NRG1: variants seen among roughly 807,000 people sequenced by gnomAD.
The protein encoded by NRG1 is pro-neuregulin-1, membrane-bound isoform.
NRG1 carries 18 observed loss-of-function variants against 63.8 expected under a neutral mutation model. That is an observed-to-expected ratio of 0.28 (90% CI 0.19 to 0.42). The LOEUF (loss-of-function observed/expected upper bound fraction) is 0.42, where lower values mean the gene tolerates loss of function less well. NRG1 is among the 10% of genes least tolerant of loss of function. The pLI, the probability that NRG1 is intolerant of heterozygous loss-of-function variation, is 1.00. For synonymous variants in NRG1, 302 were observed against 301.3 expected (o/e 1.00, Z -0.02); for missense variants, 762 against 814.7 (o/e 0.94, Z 0.79).
chr8:32,238,286 GA>G (rs1176836297), intron 1 of NRG1, among the ~76,000 whole-genome samples: 1 of 151,980 alleles, frequency 6.6e-6, no homozygotes, highest in Non-Finnish European at 1.5e-5. Context: ...CCAAAATGGT[GA>G]AACCCTGTCT....
At chr8:31,999,938 A>C (rs1812654678) in intron 1 of NRG1, among the ~76,000 whole-genome samples, 1 of 151,930 alleles carries the variant, frequency 6.6e-6, no homozygotes, top group African/African-American at 2.4e-5. Context: ...CCTGCAATTG[A>C]ACTACATGTA....
intron 1 of NRG1, among the ~76,000 whole-genome samples, chr8:32,427,152 C>T (rs946773140): frequency 2.6e-5 from 4 of 152,020 alleles, no homozygotes; most frequent in Non-Finnish European, 4.4e-5. Context: ...GTTGTCCTTC[C>T]ACATCTGGGC....
rs531098806 is a variant in NRG1, at chr8:32,209,546, G to A, written c.38-386282G>A. Among the ~76,000 whole-genome samples, 28 of 151,992 alleles carry A rather than the reference G, an allele frequency of 1.8e-4. 2 individuals are homozygous for A. In the South Asian group the frequency reaches 5.8e-3, roughly 32 times the overall value. ...CATAGCATAGTATATCATGTAGCAG[G>A]GTTTAAAATAAGCATAGAAGAGGGT... On this transcript the variant is annotated intron_variant, in intron 1 of 10. Coordinates refer to the NRG1 transcript ENST00000519301.
At chr8:32,351,268 G>C (rs1383480719) in intron 1 of NRG1, among the ~76,000 whole-genome samples, 2 of 152,112 alleles carry the variant, frequency 1.3e-5, no homozygotes, top group African/African-American at 4.8e-5. Context: ...TGCTTCCCCA[G>C]AAAGTCTTAG....
chr8:32,073,410 A>T (rs559385162), intron 1 of NRG1, among the ~76,000 whole-genome samples: 1 of 152,184 alleles, frequency 6.6e-6, no homozygotes, highest in Non-Finnish European at 1.5e-5. Context: ...TAAAAATGGA[A>T]AAGTCCTGGC....
chr8:32,537,788 C>T (rs1339649881), intron 1 of NRG1, among the ~76,000 whole-genome samples: 1 of 152,170 alleles, frequency 6.6e-6, no homozygotes, highest in Admixed American at 6.5e-5. Flanking sequence ...GTTCAAAGCT[C>T]GGTCAGATAC....
At chr8:32,371,727 G>C (rs1563373888) in intron 1 of NRG1, among the ~76,000 whole-genome samples, 1 of 152,156 alleles carries the variant, frequency 6.6e-6, no homozygotes. Context: ...ATCTGGCCAT[G>C]CTGAAATCAT....
At chr8:31,947,824 T>C (rs1233538288) in intron 1 of NRG1, among the ~76,000 whole-genome samples, 3 of 151,738 alleles carry the variant, frequency 2.0e-5, no homozygotes, top group Non-Finnish European at 4.4e-5. Flanking sequence ...TGCATTCCTG[T>C]AGTCCCAGCT....
In NRG1 at chr8:31,808,156, ATTC is replaced by A. The variant is rs1359047217; in HGVS notation, c.37+168728_37+168730del. On this transcript the variant is annotated intron_variant, in intron 1 of 10. Transcript: ENST00000519301. ...GTTCCAATTTTATGATTTTTTTGCT[ATTC>A]TTTCATGATTAAAAGTTATGTTTCA... Among the ~76,000 whole-genome samples, 55 of 152,050 alleles carry A rather than the reference ATTC, an allele frequency of 3.6e-4. 1 individual carries two copies. The highest frequency in any genetic ancestry group is 1.2e-3 in the African/African-American group (48 of 41,508).
At chr8:32,725,335 A>T (rs1821815518) in intron 5 of NRG1, among the ~76,000 whole-genome samples, 3 of 152,150 alleles carry the variant, frequency 2.0e-5, no homozygotes, top group Non-Finnish European at 4.4e-5. Flanking sequence ...AGCACACCAC[A>T]GGTGGCCCAT....
intron 1 of NRG1, among the ~76,000 whole-genome samples, chr8:32,181,044 G>C (rs935165107): frequency 2.6e-5 from 4 of 152,106 alleles, no homozygotes; most frequent in African/African-American, 9.7e-5. Context: ...TAATGTAATG[G>C]TGCTGTTCAT....
chr8:31,777,331 T>C (rs571409484), intron 1 of NRG1, among the ~76,000 whole-genome samples: 3 of 152,236 alleles, frequency 2.0e-5, no homozygotes, highest in Non-Finnish European at 4.4e-5. Context: ...TTTACAACTG[T>C]TCACTCCACT....
At chr8:32,091,996 T>C (rs556671690) in intron 1 of NRG1, among the ~76,000 whole-genome samples, 4 of 152,092 alleles carry the variant, frequency 2.6e-5, no homozygotes, top group Admixed American at 2.6e-4. Flanking sequence ...AGCCAGAGAT[T>C]GAAAATGAAC....
At chr8:32,676,180 G>A (rs1429770638) in intron 5 of NRG1, among the ~76,000 whole-genome samples, 2 of 152,124 alleles carry the variant, frequency 1.3e-5, no homozygotes, top group Non-Finnish European at 2.9e-5. Context: ...AACTGATACC[G>A]TCTGGTGACA....
At chr8:32,435,547 GAGC>G (rs1482039849) in intron 1 of NRG1, among the ~76,000 whole-genome samples, 5 of 152,086 alleles carry the variant, frequency 3.3e-5, no homozygotes, top group African/African-American at 1.2e-4. Context: ...GCTGTTACTG[GAGC>G]ACTAGTGAGC....
chr8:32,219,218 AC>A (rs1845561010), intron 1 of NRG1, among the ~76,000 whole-genome samples: 2 of 152,218 alleles, frequency 1.3e-5, no homozygotes, highest in Admixed American at 6.5e-5. Flanking sequence ...TCTGACCGCC[AC>A]CATCACAAAT....
chr8:32,762,516 G>T (rs148553265), intron 11 of NRG1, among the ~76,000 whole-genome samples: 2 of 152,082 alleles, frequency 1.3e-5, no homozygotes, highest in African/African-American at 4.8e-5. Context: ...AAGTTTGAAG[G>T]CTCAAGGCCC....
intron 1 of NRG1, among the ~76,000 whole-genome samples, chr8:32,041,364 C>A (rs1286640808): frequency 6.6e-6 from 1 of 152,212 alleles, no homozygotes; most frequent in Non-Finnish European, 1.5e-5. Flanking sequence ...TGTGCCCTGT[C>A]TGTCCTACTG....
intron 1 of NRG1, among the ~76,000 whole-genome samples, chr8:32,520,506 A>G (rs911799218): frequency 1.3e-5 from 2 of 152,076 alleles, no homozygotes; most frequent in African/African-American, 4.8e-5. Flanking sequence ...TACTGATATC[A>G]CAGGGTGGTT....
Sources: gnomAD v4.1 joint callset for allele counts (sites outside exome capture counted in the v4.1 genomes callset) on GRCh38, gnomAD v4.1.1 for gene constraint, MANE v1.5 for transcripts, NCBI Gene and HGNC (gene_info 2026-07-23, HGNC 2026-07-21) for gene names.